SETBP1: variants seen among roughly 807,000 people sequenced by gnomAD.
The protein encoded by SETBP1 is SET binding protein 1.
Under a neutral mutation model 101.0 loss-of-function variants are expected in SETBP1, and 9 were observed. That is an observed-to-expected ratio of 0.09 (90% CI 0.05 to 0.16). The LOEUF (loss-of-function observed/expected upper bound fraction) is 0.16, where lower values mean the gene tolerates loss of function less well. SETBP1 is among the 10% of genes least tolerant of loss of function. The probability of loss-of-function intolerance (pLI) is 1.00; values close to 1 mark genes in which losing one functional copy is unlikely to be tolerated. For missense variants in SETBP1, 1,858 were observed against 2,033.8 expected (o/e 0.91, Z 1.66); for synonymous variants, 818 against 788.5 (o/e 1.04, Z -0.63).
At chr18:44,851,288 T>G (rs1402668141) in intron 2 of SETBP1, among the ~76,000 whole-genome samples, 1 of 152,194 alleles carries the variant, frequency 6.6e-6, no homozygotes, top group Non-Finnish European at 1.5e-5. Context: ...AGGTGAGTCT[T>G]CATTTGGATG....
chr18:44,794,426 G>A (rs1349290006), intron 2 of SETBP1, among the ~76,000 whole-genome samples: 4 of 152,090 alleles, frequency 2.6e-5, no homozygotes, highest in African/African-American at 4.8e-5. Flanking sequence ...TACTGGAGTC[G>A]GAAAGAGCAG....
At chr18:44,822,652 G>A (rs143996275) in intron 2 of SETBP1, among the ~76,000 whole-genome samples, 8 of 152,250 alleles carry the variant, frequency 5.3e-5, no homozygotes, top group African/African-American at 1.9e-4. Flanking sequence ...AACTGCCTCC[G>A]CTAAAGATAC....
chr18:44,727,232 AAAAC>A (rs2069731946), intron 2 of SETBP1, among the ~76,000 whole-genome samples: 1 of 130,270 alleles, frequency 7.7e-6, no homozygotes, highest in Non-Finnish European at 1.7e-5. Context: ...ATACCCAAAT[AAAAC>A]AAACTCTTAA....
chr18:44,721,314 G>A (rs762651906), intron 2 of SETBP1, among the ~76,000 whole-genome samples: 1 of 152,168 alleles, frequency 6.6e-6, no homozygotes, highest in Non-Finnish European at 1.5e-5. Context: ...TTGGAGTTTT[G>A]TTTCCAGGAG....
intron 2 of SETBP1, among the ~76,000 whole-genome samples, chr18:44,826,666 C>A (rs1379741694): frequency 6.6e-6 from 1 of 151,928 alleles, no homozygotes; most frequent in Non-Finnish European, 1.5e-5. Context: ...TTGAAGGGAG[C>A]GTTCTTGGAC....
chr18:44,901,520 T>A (rs1172305571), intron 3 of SETBP1, among the ~76,000 whole-genome samples: 5 of 152,028 alleles, frequency 3.3e-5, no homozygotes, highest in African/African-American at 4.8e-5. Flanking sequence ...GTGGGAGGCA[T>A]TTTCTTCCTT....
At chr18:44,715,084 T>C (rs1301043730) in intron 2 of SETBP1, among the ~76,000 whole-genome samples, 1 of 152,216 alleles carries the variant, frequency 6.6e-6, no homozygotes, top group Non-Finnish European at 1.5e-5. Context: ...GTCTCCTGGT[T>C]TCCAGCAGTG....
chr18:44,895,622 C>T (rs1428780480), intron 3 of SETBP1, among the ~76,000 whole-genome samples: 2 of 152,048 alleles, frequency 1.3e-5, no homozygotes, highest in Non-Finnish European at 2.9e-5. Flanking sequence ...GTGCTCTTTC[C>T]ATTACCCCAT....
At position 44,878,913 on chromosome 18, in the gene SETBP1, G is replaced by A. The variant is rs1264199264; in HGVS notation, c.540+9630G>A. ...TGCAGACATCTGCTTGCTTGTGTTT[G>A]GAGGCTTGGTTAAGACTGCAGGCAG... On this transcript the variant is annotated intron_variant, in intron 3 of 5. Transcript: ENST00000649279. Among the ~76,000 whole-genome samples, 3 of 152,156 alleles carry A rather than the reference G, an allele frequency of 2.0e-5. No individual in the cohort carries two copies. The East Asian group carries it at 5.8e-4, about 29-fold the overall frequency.
chr18:45,054,219 G>T (rs1489807522), intron 5 of SETBP1, among the ~76,000 whole-genome samples: 1 of 151,748 alleles, frequency 6.6e-6, no homozygotes, highest in Non-Finnish European at 1.5e-5. Context: ...ATAGAGTCTG[G>T]CTCTGTTGCC....
chr18:45,028,380 T>A (rs2145448223), intron 4 of SETBP1, among the ~76,000 whole-genome samples: 1 of 152,200 alleles, frequency 6.6e-6, no homozygotes, highest in East Asian at 1.9e-4. Context: ...ATGGTGTATA[T>A]GTGCCACATT....
At chr18:44,959,592 A>G (rs1018366587) in intron 4 of SETBP1, among the ~76,000 whole-genome samples, 1 of 152,210 alleles carries the variant, frequency 6.6e-6, no homozygotes, top group African/African-American at 2.4e-5. Flanking sequence ...GGAAGAAACC[A>G]GCAAGCAGCT....
chr18:44,942,224 G>A (rs2071103367), intron 3 of SETBP1, among the ~76,000 whole-genome samples: 3 of 151,992 alleles, frequency 2.0e-5, no homozygotes, highest in Admixed American at 6.6e-5. Flanking sequence ...TGAATGCCTG[G>A]GATATTCATT....
At chr18:44,933,001 T>C (rs980174956) in intron 3 of SETBP1, among the ~76,000 whole-genome samples, 14 of 152,262 alleles carry the variant, frequency 9.2e-5, no homozygotes, top group Admixed American at 8.5e-4. Flanking sequence ...CACAAGGAGC[T>C]GCATTCCTTT....
At chr18:44,838,418 C>T (rs1452648347) in intron 2 of SETBP1, among the ~76,000 whole-genome samples, 1 of 152,062 alleles carries the variant, frequency 6.6e-6, no homozygotes, top group Non-Finnish European at 1.5e-5. Context: ...TTAGCTTAGC[C>T]CTTACTGTAA....
chr18:45,044,679 T>G (rs1392255824), intron 5 of SETBP1, among the ~76,000 whole-genome samples: 3 of 152,206 alleles, frequency 2.0e-5, no homozygotes, highest in Non-Finnish European at 4.4e-5. Context: ...CTTCATCTCC[T>G]TGGAAATCTG....
chr18:44,729,792 A>G (rs2069794836), intron 2 of SETBP1, among the ~76,000 whole-genome samples: 1 of 152,194 alleles, frequency 6.6e-6, no homozygotes, highest in African/African-American at 2.4e-5. Flanking sequence ...AGATAAGCAG[A>G]GGCAGAAAAA....
At chr18:44,831,152 T>C (rs935509005) in intron 2 of SETBP1, among the ~76,000 whole-genome samples, 1 of 152,228 alleles carries the variant, frequency 6.6e-6, no homozygotes, top group South Asian at 2.1e-4. Context: ...TTTGTGAACA[T>C]TGCCTATGAT....
intron 4 of SETBP1, among the ~76,000 whole-genome samples, chr18:44,977,989 T>C (rs1375134286): frequency 1.3e-5 from 2 of 152,170 alleles, no homozygotes; most frequent in Non-Finnish European, 2.9e-5. Flanking sequence ...CCTGTGCTCT[T>C]TCTATTCTTG....
Sources: allele counts gnomAD v4.1 joint callset (sites outside exome capture counted in the v4.1 genomes callset), GRCh38; gene constraint gnomAD v4.1.1; transcripts MANE v1.5; gene names NCBI Gene and HGNC (gene_info 2026-07-23, HGNC 2026-07-21).